The following UTP15 variants were observed in gnomAD, a reference collection of about 807,000 sequenced individuals.
UTP15 encodes the protein UTP15 small subunit processome component.
In UTP15, 5 loss-of-function variants were observed where a neutral mutation model predicts 59.1. The ratio of observed to expected loss-of-function variants is 0.08; its 90% CI spans 0.04 to 0.18. The LOEUF is 0.18. Ranked by LOEUF, UTP15 falls within the 10% of genes least tolerant of loss-of-function variation. UTP15 has a pLI of 1.00. For missense variants in UTP15, 494 were observed against 616.7 expected, an observed-to-expected ratio of 0.80 and a Z score of 2.11; for synonymous variants, 211 against 212.2, an observed-to-expected ratio of 0.99 and a Z score of 0.05.
At position 73,578,762 on chromosome 5, in the gene UTP15, G is replaced by T. The variant is rs1272913021; in HGVS notation, c.1056G>T (p.Leu352Phe). The T allele has an allele frequency of 2.5e-6, 4 of 1,613,614 alleles. No homozygotes were observed. The highest frequency in any genetic ancestry group is 2.2e-5 in the East Asian group (1 of 44,848). ...ACTTTTCATTGCAGGATGACATTTT[G>T]ATTAACAGGCCAGCAAAGAAGCACC... ...KNYMKQRDDI[L>F]INRPAKKHLE... The change falls in exon 10 of 13, where the codon TTG (leucine) becomes TTT (phenylalanine). Residue 352 changes from leucine to phenylalanine, a missense_variant. Coordinates refer to ENST00000296792, the MANE Select transcript of UTP15 (RefSeq NM_032175.4).
At chr5:73,576,559 C>G (rs1250307611) in intron 7 of UTP15, among the ~76,000 whole-genome samples, 1 of 151,980 alleles carries the variant, frequency 6.6e-6, no homozygotes, top group Non-Finnish European at 1.5e-5. Flanking sequence ...ACTGCAGCCT[C>G]CACCTCCCAG....
intron 7 of UTP15, among the ~76,000 whole-genome samples, chr5:73,574,800 T>A (rs1209431646): frequency 6.6e-6 from 1 of 152,242 alleles, no homozygotes; most frequent in Non-Finnish European, 1.5e-5. Flanking sequence ...TGATCTATTT[T>A]TTATTATTTT....
At chr5:73,572,178 A>C (rs1395858182) in intron 6 of UTP15, among the ~76,000 whole-genome samples, 2 of 152,148 alleles carry the variant, frequency 1.3e-5, no homozygotes, top group African/African-American at 4.8e-5. Flanking sequence ...TGCTATATAG[A>C]ATTTCTTTTA....
chr5:73,566,418 A>T (rs1747766866), intron 1 of UTP15, among the ~76,000 whole-genome samples: 12 of 152,252 alleles, frequency 7.9e-5, no homozygotes, highest in Admixed American at 5.2e-4. Context: ...AGTGTCCTGC[A>T]CATTGGTAGG....
In UTP15 at chr5:73,572,580, T is replaced by G; in HGVS notation, c.765T>G (p.Cys255Trp). Reference sequence around the variant, plus strand: ...ATCACAAAACCGTGACATGTTTATGTCTAAGCAGCTCTGGACAGAGGTTAC... The same window carrying G: ...ATCACAAAACCGTGACATGTTTATGGCTAAGCAGCTCTGGACAGAGGTTAC... ...KNHHKTVTCLCLSSSGQRLLS... is the reference protein window; with the variant it reads ...KNHHKTVTCLWLSSSGQRLLS... The change falls in exon 7 of 13, where the codon TGT becomes TGG. Residue 255 changes from cysteine (C) to tryptophan (W), a missense_variant. Cys to Trp is a radical substitution (Grantham distance 215). Coordinates refer to ENST00000296792, the MANE Select transcript of UTP15 (RefSeq NM_032175.4). The G allele has an allele frequency of 6.2e-7, 1 of 1,614,216 alleles. No individual in the cohort carries two copies. The highest frequency in any genetic ancestry group is 1.3e-5 in the African/African-American group (1 of 75,058).
At position 73,570,596 on chromosome 5, in the gene UTP15, T is replaced by C; in HGVS notation, c.558T>C (p.Asp186=). 1 of 1,614,144 alleles carries C rather than the reference T, an allele frequency of 6.2e-7. No homozygotes were observed. Among genetic ancestry groups the C allele is most frequent in the East Asian group, 2.2e-5 (1 of 44,882 alleles). The change falls in exon 6 of 13, where the codon GAT becomes GAC. Residue 186 remains aspartate (D), a synonymous_variant. Transcript: ENST00000296792. The part of the protein sequence containing the change: ...NPDLFITGSY[D]HTVKMFDART... Reference sequence around the variant, plus strand: ...AAATTGACATTTTAGGATCATATGATCATACTGTGAAGATGTTTGATGCAC... The same window carrying C: ...AAATTGACATTTTAGGATCATATGACCATACTGTGAAGATGTTTGATGCAC...
chr5:73,567,266 A>T lies in UTP15; in HGVS notation c.-79A>T. 1.2e-6 allele frequency: 1 copy of T among 867,590 alleles called. No homozygotes were observed. Among genetic ancestry groups the T allele is most frequent in the Non-Finnish European group, 1.8e-6 (1 of 565,314 alleles). The allele number at this position is 867,590 out of a possible 1,614,324, so 53.7% of individuals were successfully genotyped here. A position where few individuals can be genotyped will look rare whatever the true frequency, so the allele number is the denominator to read the frequency against. ...ATAAAATATTTTATTTTTCAGAATT[A>T]AGGCAGAGTCACTGTAATTATTTCT... On this transcript the variant is annotated 5_prime_UTR_variant, in exon 2 of 13. Transcript: ENST00000296792.
In UTP15 at chr5:73,569,682, G is replaced by T. The variant is rs1015792333; in HGVS notation, c.547+7G>T. The stretch of plus-strand genomic sequence containing the variant: ...CCGGATCTCTTTATAACAGGTTGGT[G>T]AACTCTATTCCCTCCTGAAGCAAAT... On this transcript the variant is annotated splice_region_variant and intron_variant, in intron 5 of 12. Transcript: ENST00000296792. The T allele has an allele frequency of 6.9e-6, 11 of 1,593,150 alleles. No individual in the cohort carries two copies. Among genetic ancestry groups the T allele is most frequent in the South Asian group, 1.1e-5 (1 of 88,000 alleles).
chr5:73,566,668 G>C (rs998184357), intron 1 of UTP15, among the ~76,000 whole-genome samples: 2 of 152,190 alleles, frequency 1.3e-5, no homozygotes, highest in African/African-American at 4.8e-5. Flanking sequence ...TTGATTGCAT[G>C]TTATTTAAAA....
At chr5:73,571,865 A>G (rs1747942868) in intron 6 of UTP15, among the ~76,000 whole-genome samples, 1 of 152,200 alleles carries the variant, frequency 6.6e-6, no homozygotes, top group South Asian at 2.1e-4. Context: ...ATCATGTTGA[A>G]CAGGGAGAAT....
intron 1 of UTP15, 94 bp from the exon 2 acceptor site, chr5:73,567,168 A>G (rs921585970): frequency 1.9e-5 from 7 of 378,240 alleles, no homozygotes; most frequent in Admixed American, 9.0e-5. Context: ...TCTCTAATCT[A>G]TATACTTCCA....
At chr5:73,578,056 G>A in intron 9 of UTP15, 51 bp downstream of exon 9, 1 of 1,554,828 alleles carries the variant, frequency 6.4e-7, no homozygotes, top group African/African-American at 1.4e-5. Flanking sequence ...TGTTAGAGTA[G>A]CCAGCTTCAT....
At chr5:73,573,662 T>A (rs1034040181) in intron 7 of UTP15, among the ~76,000 whole-genome samples, 1 of 151,418 alleles carries the variant, frequency 6.6e-6, no homozygotes, top group African/African-American at 2.4e-5. Context: ...CTGCAACCTC[T>A]GCTTCCCGGG....
At chr5:73,567,615 C>T (rs570804485) in intron 2 of UTP15, 181 bp downstream of exon 2, 20 of 436,878 alleles carry the variant, frequency 4.6e-5, no homozygotes, top group African/African-American at 3.9e-4. Flanking sequence ...AAAGTCCATA[C>T]TGCTTAATCA....
chr5:73,572,153 A>G (rs970128929), intron 6 of UTP15, among the ~76,000 whole-genome samples: 2 of 152,178 alleles, frequency 1.3e-5, no homozygotes, highest in Admixed American at 6.5e-5. Flanking sequence ...GCAGATCTAC[A>G]TTATTCACTT....
In UTP15 at chr5:73,570,572, A is replaced by G; in HGVS notation, c.548-14A>G. 1.2e-6 allele frequency: 2 copies of G among 1,611,400 alleles called. No homozygotes were observed. The highest frequency in any genetic ancestry group is 1.7e-6 in the Non-Finnish European group (2 of 1,178,538). ...TAAACAGTCAAACTAAAAATTCAAA[A>G]ATTGACATTTTAGGATCATATGATC... On this transcript the variant is annotated splice_polypyrimidine_tract_variant and intron_variant, in intron 5 of 12. Coordinates refer to ENST00000296792, the MANE Select transcript of UTP15 (RefSeq NM_032175.4).
chr5:73,579,219 T>A lies in UTP15; in HGVS notation c.1280+69T>A. On this transcript the variant is annotated intron_variant, in intron 11 of 12. Transcript: ENST00000296792. ...TCCTTTATCACCAAATAAAAGACAT[T>A]TAGTTTGATCTTTGTAGAGAACTGA... The A allele has an allele frequency of 1.4e-5, 23 of 1,606,418 alleles. No homozygotes were observed. The South Asian group carries it at 2.3e-4, about 16-fold the overall frequency.
chr5:73,574,534 C>G (rs886264692), intron 7 of UTP15, among the ~76,000 whole-genome samples: 1 of 150,994 alleles, frequency 6.6e-6, no homozygotes, highest in Non-Finnish European at 1.5e-5. Context: ...GTCGCCCAGG[C>G]TGGAGGGCAG....
At position 73,565,854 on chromosome 5, in the gene UTP15, G is replaced by T. The variant is rs1348120513; in HGVS notation, c.-142G>T. ...CTGTGCAGGGTAGGGAGCTGGCACA[G>T]TCCGATTAATTGTCCTTGGGTCGAG... On this transcript the variant is annotated 5_prime_UTR_variant, in exon 1 of 13. Coordinates refer to ENST00000296792, the MANE Select transcript of UTP15 (RefSeq NM_032175.4). 1 of 456,306 alleles carries T rather than the reference G, an allele frequency of 2.2e-6. No individual in the cohort carries two copies. Among genetic ancestry groups the T allele is most frequent in the East Asian group, 6.9e-5 (1 of 14,390 alleles). The allele number at this position is 456,306 out of a possible 1,614,324, so 28.3% of individuals were successfully genotyped here.
Sources: gnomAD v4.1 joint callset for allele counts (sites outside exome capture counted in the v4.1 genomes callset) on GRCh38, gnomAD v4.1.1 for gene constraint, MANE v1.5 for transcripts, NCBI Gene and HGNC (gene_info 2026-07-23, HGNC 2026-07-21) for gene names.